The following WDR41 variants were observed in gnomAD, a reference collection of about 807,000 sequenced individuals.
WDR41 encodes WD repeat-containing protein 41.
In WDR41, 63 loss-of-function variants were observed where a neutral mutation model predicts 69.3. That is an observed-to-expected ratio of 0.91 (90% confidence interval 0.74 to 1.12). WDR41 has a LOEUF of 1.12. WDR41 is among the 50% of genes most tolerant of loss of function. The probability of loss-of-function intolerance (pLI) is 0.00; values close to 1 mark genes in which losing one functional copy is unlikely to be tolerated. For synonymous variants in WDR41, 185 were observed against 192.1 expected, an observed-to-expected ratio of 0.96 and a Z score of 0.31; for missense variants, 543 against 534.5, an observed-to-expected ratio of 1.02 and a Z score of -0.16.
chr5:77,433,145 A>C lies in WDR41; in HGVS notation c.1370T>G (p.Leu457Arg). The change falls in exon 13 of 13, where the codon CTT becomes CGT. Residue 457 changes from leucine (L) to arginine (R), a missense_variant. By Grantham distance (102) the Leu-to-Arg change is moderately radical. Coordinates refer to ENST00000296679, the MANE Select transcript of WDR41 (RefSeq NM_018268.4). Reference sequence around the variant, plus strand: ...TTTTAATTCCTTAAACTAGACAGCAAGGTATAAGTCACCATTCTCCTCTAA... The same window carrying C: ...TTTTAATTCCTTAAACTAGACAGCACGGTATAAGTCACCATTCTCCTCTAA... ...QKLEENGDLY[L>R]AV The C allele has an allele frequency of 1.2e-6, 2 of 1,612,450 alleles. No homozygotes were observed. The highest frequency in any genetic ancestry group is 2.2e-5 in the South Asian group (2 of 90,534).
intron 1 of WDR41, among the ~76,000 whole-genome samples, chr5:77,594,654 G>A (rs1744193740): frequency 6.6e-6 from 1 of 152,060 alleles, no homozygotes; most frequent in Admixed American, 6.5e-5. Flanking sequence ...AGATCAACAG[G>A]CTAGAAGTCT....
At chr5:77,477,983 T>C (rs1337284085) in intron 2 of WDR41, among the ~76,000 whole-genome samples, 1 of 151,344 alleles carries the variant, frequency 6.6e-6, no homozygotes, top group African/African-American at 2.4e-5. Context: ...TAAAAAATGA[T>C]AAAGGGGATA....
At chr5:77,438,518 T>C (rs1316723497) in intron 9 of WDR41, among the ~76,000 whole-genome samples, 157 bp from the exon 10 acceptor site, 1 of 152,080 alleles carries the variant, frequency 6.6e-6, no homozygotes, top group Non-Finnish European at 1.5e-5. Context: ...AACCCCAAAA[T>C]GTCAAAGCAC....
chr5:77,472,994 G>C (rs969124806), intron 2 of WDR41, among the ~76,000 whole-genome samples: 1 of 152,096 alleles, frequency 6.6e-6, no homozygotes, highest in Non-Finnish European at 1.5e-5. Context: ...CCAAGCTGGA[G>C]GTATCAGGCT....
rs1444124437 is a variant in WDR41 at position 77,430,995 on chromosome 5, G to T, written c.*2140C>A. On this transcript the variant is annotated 3_prime_UTR_variant, in exon 13 of 13. Transcript: ENST00000296679. ...GAGAAGTTGCTTAAGAATGTGTATA[G>T]AAAGTGGTTTCTGGAGACAGTCATT... 6.6e-6 allele frequency: 1 copy of T among 152,110 alleles called. No homozygotes were observed. The highest frequency in any genetic ancestry group is 2.4e-5 in the African/African-American group (1 of 41,432). The allele number at this position is 152,110 out of a possible 1,614,324, so 9.4% of individuals were successfully genotyped here. A position where few individuals can be genotyped will look rare whatever the true frequency, so the allele number is the denominator to read the frequency against.
chr5:77,547,555 CTT>C (rs968102614), intron 1 of WDR41, among the ~76,000 whole-genome samples: 2 of 150,724 alleles, frequency 1.3e-5, no homozygotes, highest in Admixed American at 6.6e-5. Context: ...AAAAAATAAA[CTT>C]AGGAATATAC....
intron 1 of WDR41, among the ~76,000 whole-genome samples, chr5:77,616,772 T>C (rs1406715408): frequency 6.6e-6 from 1 of 152,154 alleles, no homozygotes; most frequent in Non-Finnish European, 1.5e-5. Flanking sequence ...TTACCACTGA[T>C]GGAAAATCAC....
intron 1 of WDR41, among the ~76,000 whole-genome samples, chr5:77,522,743 G>C (rs1351005176): frequency 2.6e-5 from 4 of 152,028 alleles, no homozygotes; most frequent in African/African-American, 9.7e-5. Context: ...TTCTCCAAAG[G>C]GGGCAACTAT....
chr5:77,615,665 A>C (rs1744666189), intron 1 of WDR41, among the ~76,000 whole-genome samples: 1 of 118,370 alleles, frequency 8.4e-6, no homozygotes, highest in African/African-American at 3.2e-5. Context: ...TCTAAATCTC[A>C]GTTTTTAAAA....
upstream of WDR41, chr5:77,492,374 A>C: frequency 1.1e-6 from 1 of 940,434 alleles, no homozygotes; most frequent in Non-Finnish European, 1.5e-6. Flanking sequence ...TGCAGACCAC[A>C]GTTGAGGGAG....
At chr5:77,534,762 A>G (rs1195112303) in intron 1 of WDR41, among the ~76,000 whole-genome samples, 1 of 152,166 alleles carries the variant, frequency 6.6e-6, no homozygotes, top group Non-Finnish European at 1.5e-5. Context: ...CCAAACACTT[A>G]TTGAGCATTT....
chr5:77,457,734 T>C (rs1293358429), intron 5 of WDR41, among the ~76,000 whole-genome samples: 1 of 148,736 alleles, frequency 6.7e-6, no homozygotes, highest in Non-Finnish European at 1.5e-5. Flanking sequence ...TTTCTCATAT[T>C]AGGGATATAA....
At chr5:77,589,780 A>AT (rs1744104563) in intron 1 of WDR41, among the ~76,000 whole-genome samples, 1 of 152,134 alleles carries the variant, frequency 6.6e-6, no homozygotes, top group South Asian at 2.1e-4. Context: ...GAACAATGAC[A>AT]TTTTTATTTA....
At chr5:77,529,437 G>A (rs894552529) in intron 1 of WDR41, among the ~76,000 whole-genome samples, 1 of 151,446 alleles carries the variant, frequency 6.6e-6, no homozygotes, top group Non-Finnish European at 1.5e-5. Flanking sequence ...TTATAAAGAT[G>A]TCAATTCTCC....
chr5:77,538,129 C>T (rs1016134147), intron 1 of WDR41, among the ~76,000 whole-genome samples: 1 of 152,134 alleles, frequency 6.6e-6, no homozygotes, highest in Admixed American at 6.5e-5. Flanking sequence ...TCTCTATTTC[C>T]ATGATTCCAC....
intron 1 of WDR41, among the ~76,000 whole-genome samples, chr5:77,537,336 G>C (rs1743005650): frequency 6.6e-6 from 1 of 152,220 alleles, no homozygotes; most frequent in South Asian, 2.1e-4. Context: ...GGAAATAGGA[G>C]GGACATGCCC....
intron 2 of WDR41, among the ~76,000 whole-genome samples, chr5:77,478,291 T>C (rs1801053374): frequency 2.6e-5 from 4 of 152,112 alleles, no homozygotes; most frequent in Admixed American, 1.3e-4. Context: ...TTCCAATCAA[T>C]AGTAAAAGAG....
chr5:77,506,335 G>A (rs183634772), intron 1 of WDR41, among the ~76,000 whole-genome samples: 1 of 152,198 alleles, frequency 6.6e-6, no homozygotes, highest in East Asian at 1.9e-4. Flanking sequence ...AAACCACAAT[G>A]AGATACCATC....
chr5:77,538,688 A>G (rs757155500), intron 1 of WDR41, among the ~76,000 whole-genome samples: 9 of 152,140 alleles, frequency 5.9e-5, no homozygotes, highest in Non-Finnish European at 1.2e-4. Flanking sequence ...TTCATTCTTT[A>G]AAAATGTACA....
Sources: allele counts gnomAD v4.1 joint callset (sites outside exome capture counted in the v4.1 genomes callset), GRCh38; gene constraint gnomAD v4.1.1; transcripts MANE v1.5; gene names NCBI Gene and HGNC (gene_info 2026-07-23, HGNC 2026-07-21).